DLG2: variants seen among roughly 807,000 people sequenced by gnomAD.
The protein encoded by DLG2 is disks large homolog 2.
A neutral mutation model predicts 132.5 loss-of-function variants in DLG2; 45 were observed. The observed-to-expected ratio is 0.34, with a 90% CI of 0.27 to 0.44. DLG2 has a LOEUF of 0.44. Ranked by LOEUF, DLG2 falls within the 20% of genes least tolerant of loss-of-function variation. The probability of loss-of-function intolerance (pLI) is 1.00; values close to 1 mark genes in which losing one functional copy is unlikely to be tolerated. For missense variants in DLG2, 1,045 were observed against 1,196.9 expected (o/e 0.87, Z 1.87); for synonymous variants, 424 against 419.6 (o/e 1.01, Z -0.13).
intron 7 of DLG2, among the ~76,000 whole-genome samples, chr11:84,389,947 T>C (rs2098786315): frequency 6.6e-6 from 1 of 152,176 alleles, no homozygotes; most frequent in African/African-American, 2.4e-5. Context: ...ACAACAGTTA[T>C]TCCAACTTGA....
intron 21 of DLG2, among the ~76,000 whole-genome samples, chr11:83,502,488 T>G (rs902171453): frequency 6.6e-6 from 1 of 152,132 alleles, no homozygotes; most frequent in African/African-American, 2.4e-5. Context: ...TTCAAGTGAT[T>G]CAAGCAATGA....
At chr11:84,283,983 G>A (rs569098822) in intron 7 of DLG2, among the ~76,000 whole-genome samples, 1 of 152,314 alleles carries the variant, frequency 6.6e-6, no homozygotes, top group South Asian at 2.1e-4. Context: ...GCTCATGCCT[G>A]TAATCTCAGC....
chr11:85,359,723 T>G (rs114982981), intron 3 of DLG2, among the ~76,000 whole-genome samples: 1 of 151,978 alleles, frequency 6.6e-6, no homozygotes, highest in African/African-American at 2.4e-5. Context: ...GCAAACACCA[T>G]AGGGGAGGGC....
At chr11:84,706,725 A>AAGGG (rs1382910137) in intron 6 of DLG2, among the ~76,000 whole-genome samples, 42 of 149,794 alleles carry the variant, frequency 2.8e-4, no homozygotes, top group Non-Finnish European at 5.2e-4. Flanking sequence ...GAAAGGAAGG[A>AAGGG]AGGGAGGGAG....
At chr11:84,328,210 G>T (rs943447766) in intron 7 of DLG2, among the ~76,000 whole-genome samples, 3 of 151,574 alleles carry the variant, frequency 2.0e-5, no homozygotes, top group Non-Finnish European at 4.4e-5. Flanking sequence ...ATAACATTAT[G>T]GTAATGAGTC....
chr11:83,473,830 AAG>A (rs1363376341), intron 22 of DLG2, among the ~76,000 whole-genome samples: 1 of 152,100 alleles, frequency 6.6e-6, no homozygotes, highest in African/African-American at 2.4e-5. Context: ...GCACCACAGA[AAG>A]AGAGGTAATT....
chr11:84,778,296 C>A (rs2071068987), intron 6 of DLG2, among the ~76,000 whole-genome samples: 1 of 152,070 alleles, frequency 6.6e-6, no homozygotes, highest in South Asian at 2.1e-4. Context: ...ATTCTCTATT[C>A]TGTTCTATTG....
At chr11:84,420,672 TTTTTTTTTTTTTTTG>T (rs2098946689) in intron 7 of DLG2, among the ~76,000 whole-genome samples, 3 of 78,980 alleles carry the variant, frequency 3.8e-5, no homozygotes, top group African/African-American at 6.7e-5. Flanking sequence ...TTTTTTTTTT[TTTTTTTTTTTTTTTG>T]AGACGGAGTC....
chr11:84,713,056 A>T (rs1041493546), intron 6 of DLG2, among the ~76,000 whole-genome samples: 2 of 152,118 alleles, frequency 1.3e-5, no homozygotes, highest in Non-Finnish European at 1.5e-5. Context: ...ATTCTTGTAC[A>T]ATAAAACTGA....
intron 11 of DLG2, among the ~76,000 whole-genome samples, chr11:84,000,974 TC>T (rs2094316556): frequency 1.3e-5 from 2 of 151,776 alleles, no homozygotes; most frequent in African/African-American, 2.4e-5. Flanking sequence ...TCAAATAGCA[TC>T]ATGACAGAAA....
In DLG2 at chr11:83,462,158, G is replaced by A. The variant is rs919775100; in HGVS notation, c.2730-65C>T. 4.7e-6 allele frequency: 5 copies of A among 1,069,990 alleles called. No individual in the cohort carries two copies. In the Admixed American group the frequency reaches 8.9e-5, roughly 19 times the overall value. The allele number at this position is 1,069,990 out of a possible 1,614,324, so 66.3% of individuals were successfully genotyped here. ...ATTCCAAATCCTAAAAAATTAAAAT[G>A]TATGGCAAAAATAAATCCTACAGAA... On this transcript the variant is annotated intron_variant, in intron 26 of 27. Transcript: ENST00000376104.
intron 4 of DLG2, among the ~76,000 whole-genome samples, chr11:85,284,399 T>A (rs2078428464): frequency 6.6e-6 from 1 of 151,766 alleles, no homozygotes; most frequent in Non-Finnish European, 1.5e-5. Flanking sequence ...AACTCAGCAA[T>A]CAACATGCTA....
At chr11:84,564,287 A>G (rs2099441003) in intron 6 of DLG2, among the ~76,000 whole-genome samples, 1 of 152,192 alleles carries the variant, frequency 6.6e-6, no homozygotes, top group African/African-American at 2.4e-5. Context: ...AATACTGAGA[A>G]GAGTGAGCAA....
rs2040046334 is a variant in DLG2, at chr11:83,786,785, C to T, written c.1730G>A (p.Gly577Asp). 1.9e-6 allele frequency: 3 copies of T among 1,613,486 alleles called. No homozygotes were observed. Among genetic ancestry groups the T allele is most frequent in the Non-Finnish European group, 2.5e-6 (3 of 1,179,650 alleles). Residue 577 changes from glycine to aspartate, a missense_variant, in exon 18 of 28, where the codon GGC becomes GAC. Gly to Asp is a moderately conservative substitution (Grantham distance 94). Coordinates refer to ENST00000376104, the MANE Select transcript of DLG2 (RefSeq NM_001142699.3). ...GTGGGATGCACCACGGAGGTCAATG[C>T]CATTCACCTGAAAGAGAGGAAGCCA... ...QRGDQILSVN[G>D]IDLRGASHEQ...
intron 6 of DLG2, among the ~76,000 whole-genome samples, chr11:85,079,574 C>A (rs1359521414): frequency 6.6e-6 from 1 of 151,640 alleles, no homozygotes; most frequent in African/African-American, 2.4e-5. Context: ...TTATTCTGTC[C>A]CATAGCATTT....
chr11:84,912,474 C>T (rs1215325318), intron 6 of DLG2, among the ~76,000 whole-genome samples: 2 of 152,190 alleles, frequency 1.3e-5, no homozygotes, highest in Admixed American at 6.5e-5. Flanking sequence ...AATATTTTAA[C>T]ATCTTCTGAA....
chr11:84,556,710 CCAAA>C (rs1309777790), intron 6 of DLG2, among the ~76,000 whole-genome samples: 2 of 152,092 alleles, frequency 1.3e-5, no homozygotes, highest in East Asian at 1.9e-4. Flanking sequence ...CACACTCTTA[CCAAA>C]CAATTATTTT....
intron 15 of DLG2, among the ~76,000 whole-genome samples, chr11:83,909,551 G>A (rs78441638): frequency 0.018 from 2,766 of 152,284 alleles, 89 homozygotes; most frequent in African/African-American, 0.063. Flanking sequence ...GTCATATAAT[G>A]TGGCAGTAAA....
intron 3 of DLG2, among the ~76,000 whole-genome samples, chr11:85,317,352 C>T (rs2080756328): frequency 6.6e-6 from 1 of 151,854 alleles, no homozygotes; most frequent in Non-Finnish European, 1.5e-5. Context: ...ACTTCTCCAG[C>T]TACAAACGGA....
Sources: gnomAD v4.1 joint callset for allele counts (sites outside exome capture counted in the v4.1 genomes callset) on GRCh38, gnomAD v4.1.1 for gene constraint, MANE v1.5 for transcripts, NCBI Gene and HGNC (gene_info 2026-07-23, HGNC 2026-07-21) for gene names.